ARHGEF26: variants seen among roughly 807,000 people sequenced by gnomAD.
ARHGEF26 encodes Rho guanine nucleotide exchange factor (GEF) 26.
ARHGEF26 carries 59 observed loss-of-function variants against 89.4 expected under a neutral mutation model. The ratio of observed to expected loss-of-function variants is 0.66; its 90% confidence interval spans 0.54 to 0.82. ARHGEF26 has a LOEUF of 0.82. ARHGEF26 is among the 40% of genes least tolerant of loss of function. The pLI, the probability that ARHGEF26 is intolerant of heterozygous loss-of-function variation, is 0.00. For missense variants in ARHGEF26, 1,234 were observed against 1,085.6 expected (o/e 1.14, Z -1.92); for synonymous variants, 500 against 428.4 (o/e 1.17, Z -2.06).
At chr3:154,239,250 GA>G (rs1717307398) in intron 11 of ARHGEF26, among the ~76,000 whole-genome samples, 3 of 11,388 alleles carry the variant, frequency 2.6e-4, no homozygotes, top group South Asian at 6.9e-3. Flanking sequence ...GTAAATGACC[GA>G]GAGAGAGAGG....
rs936668848 is a variant in ARHGEF26 at position 154,225,744 on chromosome 3, T to C, written c.1936-112T>C. 7 of 1,147,446 alleles carry C rather than the reference T, an allele frequency of 6.1e-6. No homozygotes were observed. In the African/African-American group the frequency reaches 6.2e-5, roughly 10 times the overall value. 71.1% of individuals were successfully genotyped at this position (1,147,446 alleles called of 1,614,324 possible). ...GTTTTATATGCCTATAAAACAATGATGCATACTATGATAAGTATCATTTGT... is the reference window on the plus strand; with the variant it reads ...GTTTTATATGCCTATAAAACAATGACGCATACTATGATAAGTATCATTTGT... On this transcript the variant is annotated intron_variant, in intron 10 of 14. Transcript: ENST00000465093.
chr3:154,190,431 C>T (rs538295847), intron 7 of ARHGEF26, among the ~76,000 whole-genome samples: 41 of 152,274 alleles, frequency 2.7e-4, no homozygotes, highest in African/African-American at 9.4e-4. Context: ...TTGCTTGAAC[C>T]TGGGAGGCAG....
intron 9 of ARHGEF26, 150 bp downstream of exon 9, chr3:154,194,868 T>G (rs1227720832): frequency 3.0e-6 from 2 of 676,208 alleles, no homozygotes; most frequent in African/African-American, 3.6e-5. Context: ...AAAATCATAT[T>G]TGCTATACTC....
Position 154,257,101 on chromosome 3 carries a change from C to A in ARHGEF26, c.*1628C>A. ...ATCCAAATTGTAAAGCTACAGAAGC[C>A]CAGTTGAGGGGTAAGTGTGCCTGGC... On this transcript the variant is annotated 3_prime_UTR_variant, in exon 15 of 15. Transcript: ENST00000465093. 8.2e-7 allele frequency: 1 copy of A among 1,215,458 alleles called. No individual in the cohort carries two copies. Among genetic ancestry groups the A allele is most frequent in the South Asian group, 1.7e-5 (1 of 57,580 alleles). 75.3% of individuals were successfully genotyped at this position (1,215,458 alleles called of 1,614,324 possible).
At position 154,165,149 on chromosome 3, in the gene ARHGEF26, T is replaced by C. The variant is rs566708490; in HGVS notation, c.1487+12217T>C. 1.1e-4 allele frequency among the ~76,000 whole-genome samples: 17 copies of C among 152,284 alleles called. 1 individual carries two copies. In the South Asian group the frequency reaches 2.9e-3, roughly 26 times the overall value. On this transcript the variant is annotated intron_variant, in intron 6 of 14. Transcript: ENST00000465093. ...GGAGGAGTTTGGTTTACCTCACTTA[T>C]GCTTATGCCATTCCTAGGGGTCACT...
intron 9 of ARHGEF26, among the ~76,000 whole-genome samples, chr3:154,200,193 G>A (rs1243000279): frequency 1.3e-5 from 2 of 152,076 alleles, no homozygotes; most frequent in African/African-American, 2.4e-5. Flanking sequence ...ATAGTTTGAG[G>A]TCTTAGATTT....
rs746167643 is a variant in ARHGEF26, at chr3:154,123,043, AAGG to A, written c.1054_1056del (p.Glu352del). On this transcript the variant is annotated inframe_deletion, in exon 2 of 15. Transcript: ENST00000465093. Reference sequence around the variant, plus strand: ...TGTTCTGAAAGTGGTGATGGAAGACAAGGAGAAGTTTTCCAGTCTGGGAAGGAT... The same window carrying A: ...TGTTCTGAAAGTGGTGATGGAAGACAAGAAGTTTTCCAGTCTGGGAAGGAT... 2.9e-5 allele frequency: 47 copies of A among 1,613,864 alleles called. No homozygotes were observed. In the East Asian group the frequency reaches 8.2e-4, roughly 28 times the overall value.
At chr3:154,201,749 A>G (rs1423224907) in intron 9 of ARHGEF26, among the ~76,000 whole-genome samples, 73 of 152,102 alleles carry the variant, frequency 4.8e-4, no homozygotes, top group East Asian at 4.1e-3. Context: ...TTTCTCTGAT[A>G]GCCAGTGATG....
chr3:154,163,322 T>C (rs1559871200), intron 6 of ARHGEF26, among the ~76,000 whole-genome samples: 1 of 152,196 alleles, frequency 6.6e-6, no homozygotes, highest in Admixed American at 6.5e-5. Flanking sequence ...CTTACTGTAC[T>C]ACCATTTCCC....
rs749476999 is a variant in ARHGEF26 at position 154,122,683 on chromosome 3, C to T, written c.691C>T (p.Pro231Ser). The T allele has an allele frequency of 1.2e-6, 2 of 1,613,864 alleles. No homozygotes were observed. The highest frequency in any genetic ancestry group is 1.7e-5 in the Admixed American group (1 of 60,004). The change falls in exon 2 of 15, where the codon CCT becomes TCT. Residue 231 changes from proline (P) to serine (S), a missense_variant. By Grantham distance (74) the Pro-to-Ser change is moderately conservative. Transcript: ENST00000465093. ...CCAGGAGAACGAGCTCCTCGAGAAT[C>T]CTTCCGTGGTTTTGAGTACAAACAG... ...PSQENELLEN[P>S]SVVLSTNSPA...
intron 6 of ARHGEF26, among the ~76,000 whole-genome samples, chr3:154,156,666 C>G (rs889965368): frequency 2.0e-4 from 31 of 152,242 alleles, no homozygotes; most frequent in Admixed American, 2.0e-3. Flanking sequence ...TCAAAGTACT[C>G]AGAAGATTTA....
chr3:154,142,219 C>CT (rs967079020), intron 4 of ARHGEF26, among the ~76,000 whole-genome samples: 99 of 145,052 alleles, frequency 6.8e-4, no homozygotes, highest in South Asian at 1.5e-3. Context: ...AAAACTTTTT[C>CT]TTTTTTTTTT....
At chr3:154,219,045 C>A (rs1241227059) in intron 10 of ARHGEF26, among the ~76,000 whole-genome samples, 1 of 152,158 alleles carries the variant, frequency 6.6e-6, no homozygotes, top group African/African-American at 2.4e-5. Context: ...GACACACATG[C>A]ACACACATGC....
intron 6 of ARHGEF26, among the ~76,000 whole-genome samples, chr3:154,186,136 GACACACACAC>G (rs60675240): frequency 6.8e-6 from 1 of 146,930 alleles, no homozygotes; most frequent in Admixed American, 6.8e-5. Context: ...CACACACTTA[GACACACACAC>G]ACACACACAC....
chr3:154,241,813 T>A (rs138543839), intron 12 of ARHGEF26, among the ~76,000 whole-genome samples: 8 of 152,200 alleles, frequency 5.3e-5, no homozygotes, highest in Non-Finnish European at 1.0e-4. Context: ...CCAGGGTAAT[T>A]AGACATCATA....
At chr3:154,220,101 C>T (rs534629475) in intron 10 of ARHGEF26, among the ~76,000 whole-genome samples, 1 of 152,246 alleles carries the variant, frequency 6.6e-6, no homozygotes, top group African/African-American at 2.4e-5. Context: ...CTCGTAAAAT[C>T]TTAGGACCTT....
At chr3:154,243,212 A>G (rs566987384) in intron 12 of ARHGEF26, among the ~76,000 whole-genome samples, 10 of 152,366 alleles carry the variant, frequency 6.6e-5, no homozygotes, top group African/African-American at 2.4e-4. Flanking sequence ...TTTGGAAATC[A>G]GTAATTTTCC....
At chr3:154,245,308 C>T (rs1398937298) in intron 12 of ARHGEF26, among the ~76,000 whole-genome samples, 2 of 152,184 alleles carry the variant, frequency 1.3e-5, no homozygotes, top group Non-Finnish European at 1.5e-5. Flanking sequence ...GGATTACAGG[C>T]GTGAGCCATT....
At position 154,188,202 on chromosome 3, in the gene ARHGEF26, T is replaced by C. The variant is rs1041783592; in HGVS notation, c.1640+365T>C. 7.2e-5 allele frequency among the ~76,000 whole-genome samples: 11 copies of C among 152,176 alleles called. 2 individuals are homozygous for C. ...GGCTTAGAGGGGATTCTTGAGTTGA[T>C]TGAGCTAAAAGCTAAGATTCAGAGT... On this transcript the variant is annotated intron_variant, in intron 7 of 14. Transcript: ENST00000465093.
Sources: gnomAD v4.1 joint callset for allele counts (sites outside exome capture counted in the v4.1 genomes callset) on GRCh38, gnomAD v4.1.1 for gene constraint, MANE v1.5 for transcripts, NCBI Gene and HGNC (gene_info 2026-07-23, HGNC 2026-07-21) for gene names.